Variants in GZMB observed in about 807,000 individuals in gnomAD.
The protein encoded by GZMB is granzyme B.
A neutral mutation model predicts 24.2 loss-of-function variants in GZMB; 27 were observed. The observed-to-expected ratio is 1.12, with a 90% confidence interval of 0.82 to 1.54. The LOEUF is 1.54. Among genes scored for constraint, GZMB ranks in the 40% most tolerant of loss-of-function variants. The pLI, the probability that GZMB is intolerant of heterozygous loss-of-function variation, is 0.00. For missense variants in GZMB, 336 were observed against 310.1 expected (o/e 1.08, Z -0.63); for synonymous variants, 121 against 115.1 (o/e 1.05, Z -0.33).
chr14:24,632,085 G>A lies in GZMB; in HGVS notation c.373C>T (p.Gln125Ter). 1.2e-6 allele frequency: 2 copies of A among 1,614,174 alleles called. No homozygotes were observed. The highest frequency in any genetic ancestry group is 2.2e-5 in the East Asian group (1 of 44,882). Residue 125 changes from glutamine to a stop codon, truncating the protein, a stop_gained, in exon 4 of 5, where the codon CAG becomes TAG. Transcript: ENST00000216341. LOFTEE classifies it high-confidence loss of function. ...TTGTTGCTAGGTAGCCTGAGGGGCT[G>A]CACAGCTCTGGTCCGCTTGGCCTTT... Reference protein sequence around the residue: ...ERKAKRTRAVQPLRLPSNKAQ... With the variant: ...ERKAKRTRAV
chr14:24,633,066 A>G lies in GZMB; in HGVS notation c.56-4T>C, dbSNP rs988057545. ...TCATGTCCCCCGATGATCTCCCCTG[A>G]AGGAAAAGTCTGTCTGCTTGTGGGC... On this transcript the variant is annotated splice_region_variant and splice_polypyrimidine_tract_variant and intron_variant, in intron 1 of 4. Coordinates refer to ENST00000216341, the MANE Select transcript of GZMB (RefSeq NM_004131.6). 2 of 1,598,386 alleles carry G rather than the reference A, an allele frequency of 1.3e-6. No homozygotes were observed. The highest frequency in any genetic ancestry group is 1.7e-5 in the Admixed American group (1 of 58,162).
rs1207204630 is a variant in GZMB at position 24,632,912 on chromosome 14, C to T, written c.203+3G>A. 2 of 1,609,406 alleles carry T rather than the reference C, an allele frequency of 1.2e-6. No individual in the cohort carries two copies. Among genetic ancestry groups the T allele is most frequent in the Admixed American group, 1.7e-5 (1 of 59,708 alleles). ...AGGGTGTGGGCTGTTTTCTGCTCCT[C>T]ACCTTCCCCAACAGTGAGCAGCTGT... On this transcript the variant is annotated splice_donor_region_variant and intron_variant, in intron 2 of 4. Transcript: ENST00000216341.
chr14:24,632,756 A>G, intron 2 of GZMB, 159 bp downstream of exon 2: 1 of 858,880 alleles, frequency 1.2e-6, no homozygotes, highest in Non-Finnish European at 1.9e-6. Flanking sequence ...TCTGGAACCA[A>G]CCTTCCCCTC....
Position 24,631,753 on chromosome 14 carries a change from A to C in GZMB, c.600+105T>G, listed in dbSNP as rs2066996232. On this transcript the variant is annotated intron_variant, in intron 4 of 4. Transcript: ENST00000216341. ...TTCTCTTTCCAGAGAGAAATATCAC[A>C]GTCTAGTGGGTGAAGGAGTCCCCCA... is the stretch of plus-strand genomic sequence containing the variant. 3.3e-6 allele frequency: 3 copies of C among 907,076 alleles called. No homozygotes were observed. The South Asian group carries it at 4.5e-5, about 14-fold the overall frequency. 56.2% of individuals were successfully genotyped at this position (907,076 alleles called of 1,614,324 possible).
At chr14:24,631,791 C>G (rs766712155) in intron 4 of GZMB, 67 bp downstream of exon 4, 1 of 1,344,078 alleles carries the variant, frequency 7.4e-7, no homozygotes. Context: ...ACTTGAGTCT[C>G]CAGGTCTCAG....
At chr14:24,632,863 G>T in intron 2 of GZMB, 52 bp downstream of exon 2, 17 of 1,554,776 alleles carry the variant, frequency 1.1e-5, no homozygotes, top group Non-Finnish European at 1.4e-5. Flanking sequence ...AAGAAGGCAG[G>T]GGTCTCTGTG....
intron 2 of GZMB, 121 bp from the exon 3 acceptor site, chr14:24,632,580 G>A: frequency 2.7e-6 from 4 of 1,500,244 alleles, no homozygotes; most frequent in Non-Finnish European, 3.7e-6. Context: ...GGGACAGTCG[G>A]TCCCCAGGAA....
chr14:24,631,585 A>T (rs2066994922), intron 4 of GZMB: 1 of 567,468 alleles, frequency 1.8e-6, no homozygotes. Context: ...CTGCACCCCC[A>T]GTGGGCACAG....
Position 24,632,443 on chromosome 14 carries a change from A to G in GZMB, c.220T>C (p.Leu74=). The G allele has an allele frequency of 6.2e-7, 1 of 1,613,196 alleles. No homozygotes were observed. Among genetic ancestry groups the G allele is most frequent in the Admixed American group, 1.7e-5 (1 of 59,980 alleles). ...TGTTCTTTGATATTGTGGGCCCCCA[A>G]GGTGACATTTATGGAGCTGCACAGA... ...HCWGSSINVT[L]GAHNIKEQEP... Residue 74 remains leucine (L), a synonymous_variant, in exon 3 of 5, where the codon TTG becomes CTG. Transcript: ENST00000216341.
At position 24,632,067 on chromosome 14, in the gene GZMB, T is replaced by C. The variant is rs1239147683; in HGVS notation, c.391A>G (p.Ser131Gly). The C allele has an allele frequency of 1.9e-6, 3 of 1,614,060 alleles. No individual in the cohort carries two copies. The highest frequency in any genetic ancestry group is 2.2e-5 in the East Asian group (1 of 44,892). The change falls in exon 4 of 5, where the codon AGC (serine) becomes GGC (glycine). Residue 131 changes from serine (S) to glycine (G), a missense_variant. Transcript: ENST00000216341. The part of the protein sequence containing the change: ...TRAVQPLRLP[S>G]NKAQVKPGQT... ...CCTGGCTTCACCTGGGCCTTGTTGCTAGGTAGCCTGAGGGGCTGCACAGCT... is the reference window on the plus strand; with the variant it reads ...CCTGGCTTCACCTGGGCCTTGTTGCCAGGTAGCCTGAGGGGCTGCACAGCT...
chr14:24,633,164 G>A, intron 1 of GZMB, 102 bp from the exon 2 acceptor site: 3 of 1,490,232 alleles, frequency 2.0e-6, no homozygotes, highest in Non-Finnish European at 2.7e-6. Flanking sequence ...GCCTGGGATA[G>A]CCTGGAGTTG....
In GZMB at chr14:24,631,102, T is replaced by G; in HGVS notation, c.713A>C (p.His238Pro). 1.2e-6 allele frequency: 2 copies of G among 1,613,616 alleles called. No homozygotes were observed. The highest frequency in any genetic ancestry group is 8.5e-7 in the Non-Finnish European group (1 of 1,179,498). Residue 238 changes from histidine (H) to proline (P), a missense_variant, in exon 5 of 5, where the codon CAC (histidine) becomes CCC (proline). Transcript: ENST00000216341. ...GCGTTTCATGGTTTTCTTTATCCAGTGTACAAAGCTTGAGACTTTGGTGCA... is the reference window on the plus strand; with the variant it reads ...GCGTTTCATGGTTTTCTTTATCCAGGGTACAAAGCTTGAGACTTTGGTGCA... ...RACTKVSSFVHWIKKTMKRY is the reference protein window; with the variant it reads ...RACTKVSSFVPWIKKTMKRY
intron 1 of GZMB, 128 bp from the exon 2 acceptor site, chr14:24,633,190 A>T (rs1350870031): frequency 2.1e-6 from 3 of 1,455,872 alleles, no homozygotes; most frequent in Non-Finnish European, 2.7e-6. Flanking sequence ...GGCCTGGAGG[A>T]AGGGGCTTCA....
chr14:24,632,293 G>C (rs779920467), intron 3 of GZMB, 31 bp downstream of exon 3: 16 of 1,592,390 alleles, frequency 1.0e-5, no homozygotes, highest in Admixed American at 1.7e-5. Context: ...ACTGGACCAA[G>C]AAGAGCAAGA....
Position 24,632,472 on chromosome 14 carries a change from C to T in GZMB, c.204-13G>A, listed in dbSNP as rs2067006231. ...GACATTTATGGAGCTGCACAGAGAG[C>T]AGAGTGAGGATGGGGGTGGAGTCAC... On this transcript the variant is annotated splice_polypyrimidine_tract_variant and intron_variant, in intron 2 of 4. Coordinates refer to ENST00000216341, the MANE Select transcript of GZMB (RefSeq NM_004131.6). The T allele has an allele frequency of 5.6e-6, 9 of 1,613,328 alleles. No homozygotes were observed. The highest frequency in any genetic ancestry group is 1.3e-5 in the African/African-American group (1 of 74,818).
chr14:24,631,297 G>C (rs2066992523), intron 4 of GZMB, 83 bp from the exon 5 acceptor site: 1 of 1,266,202 alleles, frequency 7.9e-7, no homozygotes. Context: ...TTTTAGAAAA[G>C]GCCAACTTGC....
At chr14:24,632,680 A>G (rs2067008358) in intron 2 of GZMB, 1 of 833,296 alleles carries the variant, frequency 1.2e-6, no homozygotes, top group South Asian at 1.4e-5. Context: ...TTCTATGCCA[A>G]AGTATGCCCC....
In GZMB at chr14:24,631,854, T is replaced by C. The variant is rs1336083814; in HGVS notation, c.600+4A>G. On this transcript the variant is annotated splice_donor_region_variant and intron_variant, in intron 4 of 4. Coordinates refer to ENST00000216341, the MANE Select transcript of GZMB (RefSeq NM_004131.6). The stretch of plus-strand genomic sequence containing the variant: ...AGCCAATCCAGGCAGGTGCATAGTC[T>C]TACCTTAAAGGAAGTCTTTTTAATC... 6.2e-7 allele frequency: 1 copy of C among 1,613,464 alleles called. No individual in the cohort carries two copies. The highest frequency in any genetic ancestry group is 1.1e-5 in the South Asian group (1 of 91,070).
chr14:24,632,152 C>G (rs1353250377), intron 3 of GZMB, 34 bp from the exon 4 acceptor site: 1 of 1,607,980 alleles, frequency 6.2e-7, no homozygotes, highest in Non-Finnish European at 8.5e-7. Flanking sequence ...TCCAGGTCAG[C>G]CAACGAACTT....
Sources: allele counts gnomAD v4.1 joint callset, GRCh38; gene constraint gnomAD v4.1.1; transcripts MANE v1.5; gene names NCBI Gene and HGNC (gene_info 2026-07-23, HGNC 2026-07-21).